Variants in ZNF12 observed in about 807,000 individuals in gnomAD.
The protein encoded by ZNF12 is gonadotropin inducible transcription repressor 3.
In ZNF12, 34 loss-of-function variants were observed where a neutral mutation model predicts 66.6. The ratio of observed to expected loss-of-function variants is 0.51; its 90% CI spans 0.39 to 0.68. The LOEUF (loss-of-function observed/expected upper bound fraction) is 0.68, where lower values mean the gene tolerates loss of function less well. Ranked by LOEUF, ZNF12 falls within the 30% of genes least tolerant of loss-of-function variation. The pLI is 0.00. For missense variants in ZNF12, 697 were observed against 826.9 expected (o/e 0.84, Z 1.93); for synonymous variants, 320 against 278.9 (o/e 1.15, Z -1.47).
At chr7:6,701,134 T>A (rs1216088804) in intron 2 of ZNF12, among the ~76,000 whole-genome samples, 4 of 152,172 alleles carry the variant, frequency 2.6e-5, no homozygotes, top group Non-Finnish European at 4.4e-5. Flanking sequence ...TGAGCCACTA[T>A]GCCCGGCTGA....
rs2115346347 is a variant in ZNF12 at position 6,691,226 on chromosome 7, T to G, written c.1716A>C (p.Ser572=). ...SYLTIHHRIH[S]GEKPYECSEC... is the part of the protein sequence containing the mutation. ...CACTACATTCATAGGGCTTCTCTCCTGAATGAATTCTATGATGTATAGTGA... is the reference window on the plus strand; with the variant it reads ...CACTACATTCATAGGGCTTCTCTCCGGAATGAATTCTATGATGTATAGTGA... Residue 572 remains serine, a synonymous_variant, in exon 5 of 5, where the codon TCA becomes TCC. Transcript: ENST00000405858. 1 of 1,614,172 alleles carries G rather than the reference T, an allele frequency of 6.2e-7. No homozygotes were observed. Among genetic ancestry groups the G allele is most frequent in the South Asian group, 1.1e-5 (1 of 91,080 alleles).
intron 1 of ZNF12, 102 bp downstream of exon 1, chr7:6,706,330 C>G (rs2115359167): frequency 2.2e-6 from 1 of 448,328 alleles, no homozygotes; most frequent in East Asian, 7.1e-5. Flanking sequence ...GTCACTCCTG[C>G]AAGCGATCGA....
At position 6,688,683 on chromosome 7, in the gene ZNF12, A is replaced by T. The variant is rs1780023760; in HGVS notation, c.*2165T>A. ...CCATGTGTGATTTTAATAAATGGAAAACACGGCATTTCAGCTCAGTGGTAA... is the reference window on the plus strand; with the variant it reads ...CCATGTGTGATTTTAATAAATGGAATACACGGCATTTCAGCTCAGTGGTAA... On this transcript the variant is annotated 3_prime_UTR_variant, in exon 5 of 5. Coordinates refer to ENST00000405858, the MANE Select transcript of ZNF12 (RefSeq NM_016265.4). The surrounding 1 kb of genome is among the most constrained non-coding windows in gnomAD (Gnocchi z 4.3). 1 of 152,216 alleles carries T rather than the reference A, an allele frequency of 6.6e-6. No individual in the cohort carries two copies. Among genetic ancestry groups the T allele is most frequent in the Non-Finnish European group, 1.5e-5 (1 of 68,046 alleles). The allele number at this position is 152,216 out of a possible 1,614,324, so 9.4% of individuals were successfully genotyped here.
In ZNF12 at chr7:6,692,797, G is replaced by A. The variant is rs2115347872; in HGVS notation, c.239-94C>T. ...ATGATTTGTACACACGCATCTCATT[G>A]TGAGTAGATGCTAGCTTCATGAACA... On this transcript the variant is annotated intron_variant, in intron 4 of 4. Coordinates refer to ENST00000405858, the MANE Select transcript of ZNF12 (RefSeq NM_016265.4). This position sits in a 1 kb window ranked among gnomAD's most constrained non-coding sequence, Gnocchi z 5.1. 4 of 1,190,190 alleles carry A rather than the reference G, an allele frequency of 3.4e-6. No individual in the cohort carries two copies. The highest frequency in any genetic ancestry group is 2.4e-5 in the East Asian group (1 of 41,052). 73.7% of individuals were successfully genotyped at this position (1,190,190 alleles called of 1,614,324 possible).
rs1051990318 is a variant in ZNF12, at chr7:6,691,598, C to A, written c.1344G>T (p.Arg448=). The part of the protein sequence containing the change: ...ECNECGKFFS[R]LSYLTVHYRT... ...TATAATGTACAGTGAGATATGACAA[C>A]CGAGAGAAGAATTTTCCACACTCAT... The change falls in exon 5 of 5, where the codon CGG becomes CGT. Residue 448 remains arginine (R), a synonymous_variant. Transcript: ENST00000405858. The A allele has an allele frequency of 6.2e-7, 1 of 1,613,962 alleles. No individual in the cohort carries two copies. The highest frequency in any genetic ancestry group is 8.5e-7 in the Non-Finnish European group (1 of 1,179,972).
At chr7:6,702,462 C>A (rs371759279) in intron 2 of ZNF12, among the ~76,000 whole-genome samples, 8,736 of 72,396 alleles carry the variant, frequency 0.12, 562 homozygotes, top group Middle Eastern at 0.23. Flanking sequence ...AAACTCCACA[C>A]GCACCAGATT....
chr7:6,691,111 C>A lies in ZNF12; in HGVS notation c.1831G>T (p.Gly611Trp). The A allele has an allele frequency of 1.2e-6, 2 of 1,614,132 alleles. No individual in the cohort carries two copies. The highest frequency in any genetic ancestry group is 1.7e-6 in the Non-Finnish European group (2 of 1,180,016). ...GEKAYECYECGKCFSQMSYLT... is the reference protein window; with the variant it reads ...GEKAYECYECWKCFSQMSYLT... ...TAGGACATCTGAGAGAAGCACTTCCCACATTCATAACATTCGTAGGCTTTC... is the reference window on the plus strand; with the variant it reads ...TAGGACATCTGAGAGAAGCACTTCCAACATTCATAACATTCGTAGGCTTTC... The change falls in exon 5 of 5, where the codon GGG (glycine) becomes TGG (tryptophan). Residue 611 changes from glycine to tryptophan, a missense_variant. Gly to Trp is a radical substitution (Grantham distance 184). Around this residue, in one of 3 missense-constraint regions of ZNF12, gnomAD observed 401 missense variants for 519.0 expected, o/e 0.77. Coordinates refer to ENST00000405858, the MANE Select transcript of ZNF12 (RefSeq NM_016265.4).
At chr7:6,702,238 C>G (rs183777737) in intron 2 of ZNF12, among the ~76,000 whole-genome samples, 1 of 151,724 alleles carries the variant, frequency 6.6e-6, no homozygotes, top group Non-Finnish European at 1.5e-5. Context: ...TAGCACCTTC[C>G]CAGTTCCTCC....
chr7:6,699,237 T>G (rs2115352302), intron 2 of ZNF12, among the ~76,000 whole-genome samples: 1 of 152,328 alleles, frequency 6.6e-6, no homozygotes, highest in East Asian at 1.9e-4. Flanking sequence ...CAGAGCTACG[T>G]AAGATGATGA....
chr7:6,691,467 G>A lies in ZNF12; in HGVS notation c.1475C>T (p.Pro492Leu). 1 of 1,614,108 alleles carries A rather than the reference G, an allele frequency of 6.2e-7. No homozygotes were observed. The highest frequency in any genetic ancestry group is 1.3e-5 in the African/African-American group (1 of 75,038). The part of the protein sequence containing the change: ...RHQRVHTGEK[P>L]YECNECGKLF... ...CTTTCCACATTCATTACATTCGTAA[G>A]GTTTCTCTCCTGTGTGCACTCTCTG... The change falls in exon 5 of 5, where the codon CCT becomes CTT. Residue 492 changes from proline (P) to leucine (L), a missense_variant. By Grantham distance (98) the Pro-to-Leu change is moderately conservative. Coordinates refer to ENST00000405858, the MANE Select transcript of ZNF12 (RefSeq NM_016265.4).
chr7:6,693,593 A>T (rs1419825793), intron 4 of ZNF12, among the ~76,000 whole-genome samples: 1 of 152,226 alleles, frequency 6.6e-6, no homozygotes, highest in Non-Finnish European at 1.5e-5. Flanking sequence ...ACCTAGGGCA[A>T]GCTACTTAGC....
rs756783967 is a variant in ZNF12 at position 6,691,901 on chromosome 7, G to A, written c.1041C>T (p.His347=). ...KLHLIQHQRT[H]SGEKPYECSY... Reference sequence around the variant, plus strand: ...TACATTCATAGGGCTTCTCTCCTGAGTGAGTTCTCTGATGCTGAATGAGGT... The same window carrying A: ...TACATTCATAGGGCTTCTCTCCTGAATGAGTTCTCTGATGCTGAATGAGGT... The change falls in exon 5 of 5, where the codon CAC becomes CAT. Residue 347 remains histidine (H), a synonymous_variant. Coordinates refer to ENST00000405858, the MANE Select transcript of ZNF12 (RefSeq NM_016265.4). The A allele has an allele frequency of 1.2e-6, 2 of 1,614,172 alleles. No homozygotes were observed. Among genetic ancestry groups the A allele is most frequent in the East Asian group, 4.5e-5 (2 of 44,886 alleles).
In ZNF12 at chr7:6,697,975, G is replaced by C. The variant is rs765966465; in HGVS notation, c.16-164C>G. The C allele has an allele frequency of 2.2e-6, 2 of 912,494 alleles. No homozygotes were observed. Among genetic ancestry groups the C allele is most frequent in the South Asian group, 1.3e-5 (1 of 76,676 alleles). 56.5% of individuals were successfully genotyped at this position (912,494 alleles called of 1,614,324 possible). On this transcript the variant is annotated intron_variant, in intron 2 of 4. Transcript: ENST00000405858. The surrounding 1 kb of genome is among the most constrained non-coding windows in gnomAD (Gnocchi z 6.1). ...CATATCAGAAATACACTGTTCTGGG[G>C]TTCATTCAGTATACATCAAACAAAA...
chr7:6,695,166 C>T (rs551220314), intron 4 of ZNF12, among the ~76,000 whole-genome samples: 17 of 152,342 alleles, frequency 1.1e-4, no homozygotes, highest in Admixed American at 5.2e-4. Context: ...CTGCCCGCCT[C>T]GGCCTCCCAA....
intron 2 of ZNF12, among the ~76,000 whole-genome samples, chr7:6,700,209 C>T (rs536661167): frequency 3.2e-4 from 49 of 151,300 alleles, no homozygotes; most frequent in African/African-American, 9.0e-4. Context: ...GGCGTGAACC[C>T]GGGAGGTGGA....
chr7:6,693,354 TTC>T (rs1320917675), intron 4 of ZNF12, among the ~76,000 whole-genome samples: 2 of 152,238 alleles, frequency 1.3e-5, no homozygotes, highest in African/African-American at 2.4e-5. Context: ...CGCCCTGTAA[TTC>T]TGTTTCACTT....
intron 2 of ZNF12, chr7:6,704,311 T>A (rs1180638483): frequency 1.4e-5 from 2 of 145,670 alleles, no homozygotes; most frequent in Admixed American, 6.8e-5. Flanking sequence ...TGAGACTCCA[T>A]CTTTAAAAAA....
rs754505688 is a variant in ZNF12, at chr7:6,692,700, T to C, written c.242A>G (p.Glu81Gly). Residue 81 changes from glutamate (E) to glycine (G), a missense_variant, in exon 5 of 5, where the codon GAA (glutamate) becomes GGA (glycine). By Grantham distance (98) the Glu-to-Gly change is moderately conservative. Around this residue, in one of 3 missense-constraint regions of ZNF12, gnomAD observed 241 missense variants for 224.0 expected, o/e 1.08. Coordinates refer to ENST00000405858, the MANE Select transcript of ZNF12 (RefSeq NM_016265.4). This position sits in a 1 kb window ranked among gnomAD's most constrained non-coding sequence, Gnocchi z 5.1. Reference protein sequence around the residue: ...GEFLLQSYPDEVWQTDDLIER... With the variant: ...GEFLLQSYPDGVWQTDDLIER... The stretch of plus-strand genomic sequence containing the variant: ...TATTAGGTCATCAGTTTGCCAGACT[T>C]CATCTAAAGAGAGACAAAATTAATA... 1 of 1,565,678 alleles carries C rather than the reference T, an allele frequency of 6.4e-7. No individual in the cohort carries two copies. The highest frequency in any genetic ancestry group is 8.6e-7 in the Non-Finnish European group (1 of 1,161,598).
rs774385822 is a variant in ZNF12, at chr7:6,690,812, C to T, written c.*36G>A. 24 of 1,544,142 alleles carry T rather than the reference C, an allele frequency of 1.6e-5. No homozygotes were observed. The highest frequency in any genetic ancestry group is 2.0e-5 in the Non-Finnish European group (23 of 1,146,452). ...AGGCAGGAGTTTCTGATTCACTATA[C>T]TGAAAGGGTTCTCTGATATAAAATG... On this transcript the variant is annotated 3_prime_UTR_variant, in exon 5 of 5. Coordinates refer to ENST00000405858, the MANE Select transcript of ZNF12 (RefSeq NM_016265.4).
Sources: gnomAD v4.1 joint callset for allele counts (sites outside exome capture counted in the v4.1 genomes callset) on GRCh38, gnomAD v4.1.1 for gene constraint, gnomAD v4.1.1 regional missense constraint, Gnocchi (gnomAD v3.1) non-coding constraint, MANE v1.5 for transcripts, NCBI Gene and HGNC (gene_info 2026-07-23, HGNC 2026-07-21) for gene names.